The following DDRGK1 variants were observed in gnomAD, a reference collection of about 807,000 sequenced individuals.
DDRGK1 encodes the protein DDRGK domain-containing protein 1.
A neutral mutation model predicts 45.8 loss-of-function variants in DDRGK1; 38 were observed. The observed-to-expected ratio is 0.83, with a 90% CI of 0.64 to 1.09. DDRGK1 has a LOEUF of 1.09. Ranked by LOEUF, DDRGK1 falls within the 50% of genes least tolerant of loss-of-function variation. The probability of loss-of-function intolerance (pLI) is 0.00; values close to 1 mark genes in which losing one functional copy is unlikely to be tolerated. For synonymous variants in DDRGK1, 171 were observed against 168.7 expected (o/e 1.01, Z -0.11); for missense variants, 403 against 419.9 (o/e 0.96, Z 0.35).
Position 3,190,572 on chromosome 20 carries a change from T to C in DDRGK1, c.*81A>G. The C allele has an allele frequency of 6.5e-7, 1 of 1,531,042 alleles. No homozygotes were observed. Among genetic ancestry groups the C allele is most frequent in the Non-Finnish European group, 8.9e-7 (1 of 1,123,082 alleles). 94.8% of individuals were successfully genotyped at this position (1,531,042 alleles called of 1,614,324 possible). A position where few individuals can be genotyped will look rare whatever the true frequency, so the allele number is the denominator to read the frequency against. On this transcript the variant is annotated 3_prime_UTR_variant, in exon 9 of 9. Coordinates refer to ENST00000354488, the MANE Select transcript of DDRGK1 (RefSeq NM_023935.3). ...ATAACTGCCTGGCCACACCATCACT[T>C]CCCCAGGATGGTGGGGAGGGATGAA...
rs150309651 is a variant in DDRGK1 at position 3,191,972 on chromosome 20, G to GACACACACACAC, written c.673-163_673-152dup. ...TCCTGTAGGACAGCCTTGCTCCCCT[G>GACACACACACAC]ACACACACACACACACACACACACA... On this transcript the variant is annotated intron_variant, in intron 6 of 8. Transcript: ENST00000354488. 494 of 562,654 alleles carry GACACACACACAC rather than the reference G, an allele frequency of 8.8e-4. 2 individuals are homozygous for GACACACACACAC. The highest frequency in any genetic ancestry group is 6.3e-3 in the East Asian group (216 of 34,030). The allele number at this position is 562,654 out of a possible 1,614,324, so 34.9% of individuals were successfully genotyped here.
At chr20:3,194,080 A>G (rs1260310996) in intron 6 of DDRGK1, among the ~76,000 whole-genome samples, 2 of 152,172 alleles carry the variant, frequency 1.3e-5, no homozygotes, top group Non-Finnish European at 2.9e-5. Flanking sequence ...CTGTGAGCCC[A>G]GCCCCTCGCT....
In DDRGK1 at chr20:3,200,108, G is replaced by C; in HGVS notation, c.409-6C>G. ...TCACGTTCAGCCTCCTCTGCCTGGA[G>C]AGAGGTCTTCATAGGGGCACATCCC... On this transcript the variant is annotated splice_region_variant and splice_polypyrimidine_tract_variant and intron_variant, in intron 3 of 8. Coordinates refer to ENST00000354488, the MANE Select transcript of DDRGK1 (RefSeq NM_023935.3). 6.2e-7 allele frequency: 1 copy of C among 1,612,720 alleles called. No individual in the cohort carries two copies. Among genetic ancestry groups the C allele is most frequent in the Non-Finnish European group, 8.5e-7 (1 of 1,179,494 alleles).
intron 2 of DDRGK1, 23 bp downstream of exon 2, chr20:3,203,190 C>A: frequency 1.3e-6 from 2 of 1,529,114 alleles, no homozygotes; most frequent in East Asian, 2.3e-5. Flanking sequence ...AACCCTCTCC[C>A]CACCAGGCTG....
intron 5 of DDRGK1, 80 bp from the exon 6 acceptor site, chr20:3,194,948 G>A (rs2067003661): frequency 1.3e-6 from 2 of 1,561,632 alleles, no homozygotes; most frequent in Non-Finnish European, 1.7e-6. Flanking sequence ...AGTACCACCT[G>A]CTCACTTGAG....
intron 1 of DDRGK1, among the ~76,000 whole-genome samples, chr20:3,204,234 G>C (rs113185908): frequency 6.6e-6 from 1 of 152,232 alleles, no homozygotes; most frequent in South Asian, 2.1e-4. Context: ...GGCCCCGACG[G>C]TGACGGATGG....
chr20:3,197,883 C>T (rs193282791), intron 4 of DDRGK1, among the ~76,000 whole-genome samples: 10 of 148,190 alleles, frequency 6.7e-5, no homozygotes, highest in East Asian at 2.0e-4. Flanking sequence ...TGAGCTATCG[C>T]GCCACTGCAC....
At chr20:3,196,872 G>A (rs148617590) in intron 4 of DDRGK1, among the ~76,000 whole-genome samples, 1 of 198 alleles carries the variant, frequency 5.1e-3, no homozygotes, top group African/African-American at 0.019. Context: ...AATAAATAAC[G>A]TTACTGGATT....
In DDRGK1 at chr20:3,203,272, C is replaced by T. The variant is rs142169212; in HGVS notation, c.236G>A (p.Arg79Gln). ...DLGSRLQAQRRAQRVAWAEAD... is the reference protein window; with the variant it reads ...DLGSRLQAQRQAQRVAWAEAD... ...TTCTGCCCAGGCCACCCGCTGGGCTCGACGCTGGGCCTGTAGGCGGCTGCC... is the reference window on the plus strand; with the variant it reads ...TTCTGCCCAGGCCACCCGCTGGGCTTGACGCTGGGCCTGTAGGCGGCTGCC... The change falls in exon 2 of 9, where the codon CGA (arginine) becomes CAA (glutamine). Residue 79 changes from arginine to glutamine, a missense_variant. Coordinates refer to ENST00000354488, the MANE Select transcript of DDRGK1 (RefSeq NM_023935.3). The T allele has an allele frequency of 1.1e-5, 18 of 1,606,770 alleles. No homozygotes were observed. Among genetic ancestry groups the T allele is most frequent in the South Asian group, 3.3e-5 (3 of 90,492 alleles).
rs759695183 is a variant in DDRGK1, at chr20:3,203,462, G to A, written c.92-46C>T. On this transcript the variant is annotated intron_variant, in intron 1 of 8. Coordinates refer to ENST00000354488, the MANE Select transcript of DDRGK1 (RefSeq NM_023935.3). ...ACAATGCTGCCTATAAGCCCAGCCC[G>A]GCCCATGGCAGGAGGAGCGGCAGCC... 65 of 1,461,878 alleles carry A rather than the reference G, an allele frequency of 4.4e-5. No homozygotes were observed. The South Asian group carries it at 8.1e-4, about 18-fold the overall frequency. 90.6% of individuals were successfully genotyped at this position (1,461,878 alleles called of 1,614,324 possible).
At chr20:3,191,492 T>C in intron 7 of DDRGK1, 1 of 671,312 alleles carries the variant, frequency 1.5e-6, no homozygotes, top group South Asian at 1.7e-5. Flanking sequence ...TGGTGCAGTC[T>C]GTGCATGAGA....
intron 1 of DDRGK1, 46 bp from the exon 2 acceptor site, chr20:3,203,462 G>T: frequency 6.8e-7 from 1 of 1,461,996 alleles, no homozygotes; most frequent in East Asian, 2.5e-5. Context: ...AGCCCAGCCC[G>T]GCCCATGGCA....
chr20:3,200,312 C>T, intron 3 of DDRGK1, 30 bp downstream of exon 3: 1 of 1,551,374 alleles, frequency 6.4e-7, no homozygotes, highest in Non-Finnish European at 8.7e-7. Context: ...TTCGCACTTC[C>T]CAGAGCTGCA....
intron 7 of DDRGK1, 189 bp downstream of exon 7, chr20:3,191,576 T>C: frequency 2.5e-6 from 2 of 809,946 alleles, no homozygotes; most frequent in East Asian, 2.7e-5. Context: ...GTTTTTTTTT[T>C]CTTTCCTGCC....
chr20:3,203,520 C>T, intron 1 of DDRGK1, 104 bp from the exon 2 acceptor site: 2 of 1,380,482 alleles, frequency 1.4e-6, no homozygotes, highest in Admixed American at 3.2e-5. Context: ...TAGCGGCCTG[C>T]TGCCCACAGC....
Position 3,195,352 on chromosome 20 carries a change from TCCTGTGGAC to T in DDRGK1, c.511-8_511del. Reference sequence around the variant, plus strand: ...CTCGCGGGCCTTCCTCTCCTCCTCCTCCTGTGGACATAGGAGGCAAAAGTCAGGTATCGG... The same window carrying T: ...CTCGCGGGCCTTCCTCTCCTCCTCCTATAGGAGGCAAAAGTCAGGTATCGG... On this transcript the variant is annotated splice_acceptor_variant and splice_polypyrimidine_tract_variant and coding_sequence_variant and intron_variant, in exon 5 of 9. Coordinates refer to ENST00000354488, the MANE Select transcript of DDRGK1 (RefSeq NM_023935.3). LOFTEE classifies it high-confidence loss of function. 1.3e-6 allele frequency: 2 copies of T among 1,596,602 alleles called. No individual in the cohort carries two copies. Among genetic ancestry groups the T allele is most frequent in the Non-Finnish European group, 1.7e-6 (2 of 1,171,836 alleles).
chr20:3,191,746 G>A lies in DDRGK1; in HGVS notation c.729+19C>T, dbSNP rs2122228001. Reference sequence around the variant, plus strand: ...CCCCTGGCCACACTGCACACAGCAGGCCACGTTCCAGGGCTTACCTGAGTG... The same window carrying A: ...CCCCTGGCCACACTGCACACAGCAGACCACGTTCCAGGGCTTACCTGAGTG... On this transcript the variant is annotated intron_variant, in intron 7 of 8. Coordinates refer to ENST00000354488, the MANE Select transcript of DDRGK1 (RefSeq NM_023935.3). 3.8e-6 allele frequency: 6 copies of A among 1,594,734 alleles called. No individual in the cohort carries two copies. The East Asian group carries it at 1.4e-4, about 36-fold the overall frequency.
chr20:3,194,712 C>T, intron 6 of DDRGK1, 118 bp downstream of exon 6: 2 of 1,354,052 alleles, frequency 1.5e-6, no homozygotes, highest in East Asian at 2.3e-5. Flanking sequence ...CCCTCTGGGC[C>T]CCCCTGTCCA....
chr20:3,191,067 C>T (rs1346441183), intron 8 of DDRGK1, 123 bp downstream of exon 8: 1 of 1,343,938 alleles, frequency 7.4e-7, no homozygotes, highest in Non-Finnish European at 1.0e-6. Context: ...CTCAGTGCCC[C>T]TCCTTGCACA....
Sources: gnomAD v4.1 joint callset for allele counts (sites outside exome capture counted in the v4.1 genomes callset) on GRCh38, gnomAD v4.1.1 for gene constraint, MANE v1.5 for transcripts, NCBI Gene and HGNC (gene_info 2026-07-23, HGNC 2026-07-21) for gene names.